Variants in DNAH17 observed in about 807,000 individuals in gnomAD.
DNAH17 encodes axonemal beta dynein heavy chain 17.
A neutral mutation model predicts 485.6 loss-of-function variants in DNAH17; 376 were observed. The ratio of observed to expected loss-of-function variants is 0.77; its 90% CI spans 0.71 to 0.84. The LOEUF (loss-of-function observed/expected upper bound fraction) is 0.84. Among genes scored for constraint, DNAH17 ranks in the 40% least tolerant of loss-of-function variants. The pLI is 0.00. For missense variants in DNAH17, 6,370 were observed against 5,839.3 expected (o/e 1.09, Z -2.96); for synonymous variants, 3,031 against 2,405.9 (o/e 1.26, Z -7.60).
intron 21 of DNAH17, among the ~76,000 whole-genome samples, chr17:78,529,933 C>T (rs745887229): frequency 6.6e-6 from 1 of 152,210 alleles, no homozygotes; most frequent in Non-Finnish European, 1.5e-5. Context: ...TCCCAAGCTA[C>T]GGCCACATCC....
chr17:78,485,470 CT>C (rs1478482444), intron 47 of DNAH17, 79 bp downstream of exon 47: 11 of 1,373,478 alleles, frequency 8.0e-6, no homozygotes, highest in Non-Finnish European at 4.0e-6. Flanking sequence ...GTGCCTGGGC[CT>C]GCAGTGAGAG....
At chr17:78,498,983 C>T (rs760325961) in intron 37 of DNAH17, 25 bp downstream of exon 37, 12 of 1,572,996 alleles carry the variant, frequency 7.6e-6, no homozygotes, top group Non-Finnish European at 9.5e-6. Flanking sequence ...GACGTGACCC[C>T]GAGGCCGCAG....
chr17:78,530,294 G>C, intron 21 of DNAH17, 49 bp downstream of exon 21: 3 of 1,536,872 alleles, frequency 2.0e-6, no homozygotes, highest in Non-Finnish European at 2.6e-6. Context: ...CCACTCCCTG[G>C]TGCTCTGCAC....
In DNAH17 at chr17:78,441,199, C is replaced by A; in HGVS notation, c.11529G>T (p.Lys3843Asn). The change falls in exon 72 of 81, where the codon AAG becomes AAT. Residue 3843 changes from lysine (K) to asparagine (N), a missense_variant and splice_region_variant. Coordinates refer to ENST00000389840, the MANE Select transcript of DNAH17 (RefSeq NM_173628.4). ...TGCCCATCTTTTCCTCCACGAAGTT[C>A]CTAGGGGTGGAGTGCATCAGAGGCA... is the stretch of plus-strand genomic sequence containing the variant. ...LRPDRMTYAI[K>N]NFVEEKMGSK... is the part of the protein sequence containing the mutation. 2 of 1,613,730 alleles carry A rather than the reference C, an allele frequency of 1.2e-6. No homozygotes were observed. The highest frequency in any genetic ancestry group is 1.7e-6 in the Non-Finnish European group (2 of 1,179,844).
At chr17:78,533,556 A>G (rs778367525) in intron 19 of DNAH17, among the ~76,000 whole-genome samples, 3 of 152,338 alleles carry the variant, frequency 2.0e-5, no homozygotes, top group Non-Finnish European at 4.4e-5. Context: ...GTTGCCAGTG[A>G]CAGAAAACCC....
chr17:78,529,788 A>T (rs1436106616), intron 21 of DNAH17, 94 bp from the exon 22 acceptor site: 3 of 1,279,070 alleles, frequency 2.3e-6, no homozygotes, highest in Non-Finnish European at 2.2e-6. Context: ...GACCGCGGTG[A>T]GGTCAACTGG....
rs2091175458 is a variant in DNAH17, at chr17:78,529,646, G to A, written c.3333C>T (p.Thr1111=). The A allele has an allele frequency of 6.8e-6, 11 of 1,613,824 alleles. No homozygotes were observed. The South Asian group carries it at 1.1e-4, about 16-fold the overall frequency. ...AFMKVARMGL[T]KPLKEGDYDG... The stretch of plus-strand genomic sequence containing the variant: ...CATAGTCCCCCTCCTTGAGGGGCTT[G>A]GTCAAGCCCATTCTGGCGACTTTCA... Residue 1111 remains threonine, a synonymous_variant, in exon 22 of 81, where the codon ACC becomes ACT. Coordinates refer to ENST00000389840, the MANE Select transcript of DNAH17 (RefSeq NM_173628.4).
At chr17:78,548,135 C>T (rs182691556) in intron 16 of DNAH17, among the ~76,000 whole-genome samples, 1 of 151,172 alleles carries the variant, frequency 6.6e-6, no homozygotes, top group African/African-American at 2.4e-5. Flanking sequence ...ATGTCCTTTC[C>T]CTTCTCTGCT....
Position 78,445,664 on chromosome 17 carries a change from T to G in DNAH17, c.11228A>C (p.Lys3743Thr). Reference protein sequence around the residue: ...QVTFQVLSMKKELNPVELDFL... With the variant: ...QVTFQVLSMKTELNPVELDFL... ...ATCCAGCTCCACTGGGTTCAGCTCC[T>G]TCTTCATGGACAGGACCTGGGGGAA... The change falls in exon 70 of 81, where the codon AAG (lysine) becomes ACG (threonine). Residue 3743 changes from lysine (K) to threonine (T), a missense_variant. Lys to Thr is a moderately conservative substitution (Grantham distance 78). Transcript: ENST00000389840. 6.3e-7 allele frequency: 1 copy of G among 1,584,624 alleles called. No individual in the cohort carries two copies. Among genetic ancestry groups the G allele is most frequent in the Non-Finnish European group, 8.6e-7 (1 of 1,165,518 alleles).
At chr17:78,499,756 A>T (rs1264659241) in intron 36 of DNAH17, 1 of 152,532 alleles carries the variant, frequency 6.6e-6, no homozygotes, top group African/African-American at 2.4e-5. Flanking sequence ...TGGGGAGGGG[A>T]GACCCTCTGC....
At position 78,434,068 on chromosome 17, in the gene DNAH17, GGA is replaced by G; in HGVS notation, c.12184_12185del (p.Ser4062HisfsTer25). 17 of 1,613,342 alleles carry G rather than the reference GGA, an allele frequency of 1.1e-5. No individual in the cohort carries two copies. The highest frequency in any genetic ancestry group is 1.4e-5 in the Non-Finnish European group (17 of 1,179,600). On this transcript the variant is annotated frameshift_variant, in exon 75 of 81. Transcript: ENST00000389840. LOFTEE classifies it high-confidence loss of function. ...YPFNNGDLTI[S>X]INVLYNYLEA... ...CCAGGTAGTTGTAGAGCACGTTGATGGAGATGGTGAGGTCCCCGTTGTTGAAG... is the reference window on the plus strand; with the variant it reads ...CCAGGTAGTTGTAGAGCACGTTGATGGATGGTGAGGTCCCCGTTGTTGAAG...
chr17:78,454,182 C>T (rs2087682562), intron 64 of DNAH17, among the ~76,000 whole-genome samples: 1 of 152,200 alleles, frequency 6.6e-6, no homozygotes, highest in African/African-American at 2.4e-5. Context: ...ACATGACCAG[C>T]CTCAAACCTC....
chr17:78,444,596 A>C lies in DNAH17; in HGVS notation c.11528+8T>G. 6.5e-7 allele frequency: 1 copy of C among 1,546,868 alleles called. No homozygotes were observed. Among genetic ancestry groups the C allele is most frequent in the East Asian group, 2.4e-5 (1 of 40,924 alleles). ...GGGGCGGGGCCCCCGGCGCGGCGGG[A>C]CACTCACTTGATAGCGTAGGTCATG... is the stretch of plus-strand genomic sequence containing the variant. On this transcript the variant is annotated splice_region_variant and intron_variant, in intron 71 of 80. Coordinates refer to ENST00000389840, the MANE Select transcript of DNAH17 (RefSeq NM_173628.4).
At chr17:78,450,217 C>G in intron 68 of DNAH17, 37 bp downstream of exon 68, 1 of 1,611,572 alleles carries the variant, frequency 6.2e-7, no homozygotes, top group Non-Finnish European at 8.5e-7. Flanking sequence ...GCAGCCCCAC[C>G]TTGAGGGAGG....
intron 66 of DNAH17, 49 bp from the exon 67 acceptor site, chr17:78,450,895 G>C: frequency 2.5e-6 from 4 of 1,595,762 alleles, no homozygotes; most frequent in African/African-American, 1.3e-5. Flanking sequence ...TCTGTCCACC[G>C]GGCACCCGGG....
Position 78,494,962 on chromosome 17 carries a change from C to T in DNAH17, c.6039G>A (p.Lys2013=). 1 of 1,611,454 alleles carries T rather than the reference C, an allele frequency of 6.2e-7. No homozygotes were observed. Among genetic ancestry groups the T allele is most frequent in the Non-Finnish European group, 8.5e-7 (1 of 1,178,032 alleles). The part of the protein sequence containing the change: ...LYTLCKELLS[K]QDHYDWGLRA... ...GTGAGCTCCAGGACACACACACCTG[C>T]TTCGAGAGCAGCTCCTTGCACAAGG... The change falls in exon 39 of 81, where the codon AAG becomes AAA. Residue 2013 remains lysine (K), a synonymous_variant. Transcript: ENST00000389840.
chr17:78,569,282 C>T (rs181050059), intron 8 of DNAH17, 30 bp from the exon 9 acceptor site: 10 of 1,596,016 alleles, frequency 6.3e-6, no homozygotes, highest in South Asian at 4.5e-5. Context: ...GATGAGGCCA[C>T]GTTTGCTTCA....
chr17:78,484,925 T>C lies in DNAH17; in HGVS notation c.7592A>G (p.Lys2531Arg). Reference protein sequence around the residue: ...IDDMNMPEVDKYGTVAPHTLI... With the variant: ...IDDMNMPEVDRYGTVAPHTLI... ...GGTGTGCGGGGCCACCGTCCCATAC[T>C]TGTCCACCTCGGGCATGTTCATGTC... is the stretch of plus-strand genomic sequence containing the variant. The change falls in exon 48 of 81, where the codon AAG (lysine) becomes AGG (arginine). Residue 2531 changes from lysine to arginine, a missense_variant. Coordinates refer to ENST00000389840, the MANE Select transcript of DNAH17 (RefSeq NM_173628.4). 6.2e-7 allele frequency: 1 copy of C among 1,606,234 alleles called. No homozygotes were observed. Among genetic ancestry groups the C allele is most frequent in the Non-Finnish European group, 8.5e-7 (1 of 1,176,054 alleles).
At chr17:78,564,631 G>A (rs1005867894) in intron 11 of DNAH17, among the ~76,000 whole-genome samples, 3 of 152,112 alleles carry the variant, frequency 2.0e-5, no homozygotes, top group Non-Finnish European at 4.4e-5. Flanking sequence ...ATGCTAGAGC[G>A]AAACTACCTC....
Sources: gnomAD v4.1 joint callset for allele counts (sites outside exome capture counted in the v4.1 genomes callset) on GRCh38, gnomAD v4.1.1 for gene constraint, MANE v1.5 for transcripts, NCBI Gene and HGNC (gene_info 2026-07-23, HGNC 2026-07-21) for gene names.